The following UTRN variants were observed in gnomAD, a reference collection of about 807,000 sequenced individuals.
UTRN encodes dystrophin-related protein 1.
UTRN carries 283 observed loss-of-function variants against 463.9 expected under a neutral mutation model. The observed-to-expected ratio is 0.61, with a 90% CI of 0.55 to 0.67. UTRN has a LOEUF of 0.67. Among genes scored for constraint, UTRN ranks in the 30% least tolerant of loss-of-function variants. The probability of loss-of-function intolerance (pLI) is 0.00; values close to 1 mark genes in which losing one functional copy is unlikely to be tolerated. For synonymous variants in UTRN, 1,442 were observed against 1,431.5 expected, an observed-to-expected ratio of 1.01 and a Z score of -0.17; for missense variants, 3,922 against 4,084.3, an observed-to-expected ratio of 0.96 and a Z score of 1.08.
rs1349085635 is a variant in UTRN at position 144,539,290 on chromosome 6, C to T, written c.6370-4C>T. The T allele has an allele frequency of 1.2e-6, 2 of 1,606,718 alleles. No homozygotes were observed. The highest frequency in any genetic ancestry group is 1.7e-6 in the Non-Finnish European group (2 of 1,176,586). On this transcript the variant is annotated splice_region_variant and splice_polypyrimidine_tract_variant and intron_variant, in intron 44 of 74. Coordinates refer to ENST00000367545, the MANE Select transcript of UTRN (RefSeq NM_007124.3). ...TAACCACACCTATCTTTTAACTTCT[C>T]CAGGACTTAACTCAAGAAATGGAAG...
Position 144,462,784 on chromosome 6 carries a change from G to A in UTRN, c.2984G>A (p.Gly995Glu). 6.2e-7 allele frequency: 1 copy of A among 1,612,150 alleles called. No homozygotes were observed. The highest frequency in any genetic ancestry group is 8.5e-7 in the Non-Finnish European group (1 of 1,179,590). Reference protein sequence around the residue: ...LYKQEFDDVQGKWNKLKVLVS... With the variant: ...LYKQEFDDVQEKWNKLKVLVS... ...AAGCAAGAATTTGATGATGTGCAAG[G>A]AAAGTGGAACAAGCTAAAGGTCTTG... Residue 995 changes from glycine to glutamate, a missense_variant, in exon 23 of 75, where the codon GGA (glycine) becomes GAA (glutamate). Coordinates refer to ENST00000367545, the MANE Select transcript of UTRN (RefSeq NM_007124.3).
intron 60 of UTRN, among the ~76,000 whole-genome samples, chr6:144,777,754 G>A (rs994238962): frequency 3.3e-5 from 5 of 152,198 alleles, no homozygotes; most frequent in African/African-American, 1.2e-4. Context: ...GGGCATATGA[G>A]CCAGGCTATA....
At chr6:144,499,478 AT>A (rs776218511) in intron 34 of UTRN, 51 bp downstream of exon 34, 2 of 1,505,588 alleles carry the variant, frequency 1.3e-6, no homozygotes, top group Non-Finnish European at 1.8e-6. Context: ...GTAACATGGC[AT>A]TTGTTCGGGC....
intron 64 of UTRN, among the ~76,000 whole-genome samples, chr6:144,802,616 G>A (rs1777794274): frequency 6.6e-6 from 1 of 152,042 alleles, no homozygotes; most frequent in Admixed American, 6.6e-5. Flanking sequence ...TGTGATCAAG[G>A]CTTTATTTAG....
At chr6:144,588,068 C>A (rs1034927644) in intron 51 of UTRN, among the ~76,000 whole-genome samples, 2 of 152,094 alleles carry the variant, frequency 1.3e-5, no homozygotes, top group Non-Finnish European at 2.9e-5. Context: ...TATGGATACC[C>A]ACACAGACTA....
intron 3 of UTRN, among the ~76,000 whole-genome samples, chr6:144,417,349 G>A (rs1784442399): frequency 6.6e-6 from 1 of 152,302 alleles, no homozygotes. Flanking sequence ...TTTAGAGCCA[G>A]ATTTTGTGGT....
intron 23 of UTRN, among the ~76,000 whole-genome samples, chr6:144,472,085 A>G (rs117589061): frequency 6.6e-6 from 1 of 152,374 alleles, no homozygotes; most frequent in East Asian, 1.9e-4. Flanking sequence ...AGAAATTACC[A>G]GAAAAATGGA....
chr6:144,605,670 G>A (rs1804763977), intron 51 of UTRN, among the ~76,000 whole-genome samples: 1 of 139,560 alleles, frequency 7.2e-6, no homozygotes, highest in Non-Finnish European at 1.5e-5. Context: ...ACTTCAGTGT[G>A]GGTGCCATTT....
chr6:144,719,758 G>A (rs1042984293), intron 53 of UTRN, among the ~76,000 whole-genome samples: 2 of 152,196 alleles, frequency 1.3e-5, no homozygotes, highest in Non-Finnish European at 2.9e-5. Context: ...AGGAAGTTTA[G>A]AATTTATTCT....
intron 23 of UTRN, among the ~76,000 whole-genome samples, chr6:144,470,432 C>T (rs994967823): frequency 7.2e-6 from 1 of 138,610 alleles, no homozygotes; most frequent in Non-Finnish European, 1.6e-5. Flanking sequence ...CAGACGGGGT[C>T]GCGGCCGGGC....
chr6:144,496,411 A>G (rs1390664898), intron 33 of UTRN, among the ~76,000 whole-genome samples: 1 of 152,224 alleles, frequency 6.6e-6, no homozygotes, highest in Non-Finnish European at 1.5e-5. Context: ...TGTCTGGAAC[A>G]CACACCTTAG....
chr6:144,824,545 TG>T (rs1334093956), intron 66 of UTRN, among the ~76,000 whole-genome samples: 1 of 113,558 alleles, frequency 8.8e-6, no homozygotes, highest in Non-Finnish European at 1.8e-5. Flanking sequence ...ATAATACATA[TG>T]TATATATATT....
chr6:144,711,663 A>G (rs1412824487), intron 53 of UTRN, among the ~76,000 whole-genome samples: 1 of 152,226 alleles, frequency 6.6e-6, no homozygotes, highest in Non-Finnish European at 1.5e-5. Context: ...TGTAGGAGCA[A>G]TTATCAGAGC....
chr6:144,445,180 G>A (rs530291351), intron 14 of UTRN, among the ~76,000 whole-genome samples: 2 of 151,750 alleles, frequency 1.3e-5, no homozygotes, highest in African/African-American at 4.8e-5. Flanking sequence ...GTGAAACCCC[G>A]TCTCCACTAA....
At chr6:144,623,246 C>T (rs190304424) in intron 51 of UTRN, among the ~76,000 whole-genome samples, 55 of 152,144 alleles carry the variant, frequency 3.6e-4, no homozygotes, top group Admixed American at 7.9e-4. Flanking sequence ...ATTGATTTAG[C>T]AATATATTTT....
chr6:144,603,503 A>G (rs938251761), intron 51 of UTRN, among the ~76,000 whole-genome samples: 1 of 152,112 alleles, frequency 6.6e-6, no homozygotes, highest in African/African-American at 2.4e-5. Flanking sequence ...TGTTATATTT[A>G]TTGACCCTTT....
Position 144,523,078 on chromosome 6 carries a change from A to G in UTRN, c.5796A>G (p.Pro1932=). 6.2e-7 allele frequency: 1 copy of G among 1,613,438 alleles called. No individual in the cohort carries two copies. Among genetic ancestry groups the G allele is most frequent in the South Asian group, 1.1e-5 (1 of 90,922 alleles). The stretch of plus-strand genomic sequence containing the variant: ...TTGCAGTCATTCATGAAAAACAGCC[A>G]GATGTCATCCTTGAAGCCTCTGGAC... ...EQIAVIHEKQ[P]DVILEASGPE... Residue 1932 remains proline (P), a synonymous_variant, in exon 41 of 75, where the codon CCA becomes CCG. Transcript: ENST00000367545.
Position 144,438,902 on chromosome 6 carries a change from C to G in UTRN, c.1392+7C>G. The G allele has an allele frequency of 6.2e-7, 1 of 1,613,820 alleles. No individual in the cohort carries two copies. Among genetic ancestry groups the G allele is most frequent in the Non-Finnish European group, 8.5e-7 (1 of 1,179,808 alleles). On this transcript the variant is annotated splice_region_variant and intron_variant, in intron 12 of 74. Transcript: ENST00000367545. ...GCTGCTAGAAGAACATAAAGTAAAT[C>G]TGTCTCATATTTCTTCGATACCTTA...
At chr6:144,314,037 T>G (rs1425101083) in intron 2 of UTRN, among the ~76,000 whole-genome samples, 1 of 151,990 alleles carries the variant, frequency 6.6e-6, no homozygotes, top group African/African-American at 2.4e-5. Flanking sequence ...ATGAGAAAGG[T>G]AGGGAGGGGC....
Sources: allele counts gnomAD v4.1 joint callset (sites outside exome capture counted in the v4.1 genomes callset), GRCh38; gene constraint gnomAD v4.1.1; transcripts MANE v1.5; gene names NCBI Gene and HGNC (gene_info 2026-07-23, HGNC 2026-07-21).